Variants in TRPM5 observed in about 807,000 individuals in gnomAD.
TRPM5 encodes the protein transient receptor potential cation channel subfamily M member 5, also known as MLSN1 and TRP-related.
Under a neutral mutation model 124.9 loss-of-function variants are expected in TRPM5, and 121 were observed. The ratio of observed to expected loss-of-function variants is 0.97; its 90% CI spans 0.84 to 1.13. The LOEUF is 1.13. Ranked by LOEUF, TRPM5 falls within the 50% of genes most tolerant of loss-of-function variation. TRPM5 has a pLI of 0.00. For synonymous variants in TRPM5, 781 were observed against 700.5 expected (o/e 1.11, Z -1.81); for missense variants, 1,643 against 1,589.1 (o/e 1.03, Z -0.58).
chr11:2,426,540 C>T (rs1421453324), upstream of TRPM5, among the ~76,000 whole-genome samples: 2 of 152,078 alleles, frequency 1.3e-5, no homozygotes, highest in South Asian at 2.1e-4. Context: ...ACTGAGGCAG[C>T]CCCCCAGACG....
At chr11:2,419,540 T>TGGGA (rs1259684462) in intron 4 of TRPM5, among the ~76,000 whole-genome samples, 1 of 147,074 alleles carries the variant, frequency 6.8e-6, no homozygotes, top group Non-Finnish European at 1.5e-5. Context: ...TGTTGGAACC[T>TGGGA]GGGAGGTGGA....
chr11:2,418,540 G>T (rs764575824), exon 5 of TRPM5: 1 of 1,611,468 alleles, frequency 6.2e-7, no homozygotes, highest in Non-Finnish European at 8.5e-7. Flanking sequence ...CAAGGTGTTG[G>T]GATCACCATT....
chr11:2,414,883 G>C, intron 10 of TRPM5, 24 bp downstream of exon 15: 1 of 1,595,774 alleles, frequency 6.3e-7, no homozygotes, highest in South Asian at 1.1e-5. Flanking sequence ...CTGCCCCCGC[G>C]CTGGGCCCGC....
chr11:2,433,124 C>A, the TRPM5 span, among the ~76,000 whole-genome samples: 1 of 152,258 alleles, frequency 6.6e-6, no homozygotes, highest in Non-Finnish European at 1.5e-5. Context: ...TTTTGCCTGT[C>A]CTTCTACTCT....
chr11:2,440,362 G>T, the TRPM5 span, among the ~76,000 whole-genome samples: 1 of 152,188 alleles, frequency 6.6e-6, no homozygotes, highest in South Asian at 2.1e-4. This position sits in a 1 kb window ranked among gnomAD's most constrained non-coding sequence, Gnocchi z 5.2. Context: ...ATGCCTTACA[G>T]ATGTAGGGCA....
At chr11:2,422,366 T>C in intron 1 of TRPM5, 45 bp from the exon 7 acceptor site, 1 of 1,114,140 alleles carries the variant, frequency 9.0e-7, no homozygotes, top group Non-Finnish European at 1.1e-6. Context: ...GCACGGGGCA[T>C]GGGAGCTGCT....
the TRPM5 span, among the ~76,000 whole-genome samples, chr11:2,430,770 GTGATGGTGGTGT>G: frequency 1.5e-4 from 23 of 149,510 alleles, no homozygotes; most frequent in Admixed American, 8.6e-4. Flanking sequence ...TTTGGTGGTG[GTGATGGTGGTGT>G]TGATGGTGGT....
intron 22 of TRPM5, among the ~76,000 whole-genome samples, 164 bp downstream of exon 27, chr11:2,405,855 G>A (rs1050324241): frequency 2.0e-5 from 3 of 152,130 alleles, no homozygotes; most frequent in Non-Finnish European, 4.4e-5. Flanking sequence ...AGGTGGGGAC[G>A]GCCTGTCTTC....
At chr11:2,420,673 A>C (rs1845759248) in intron 3 of TRPM5, among the ~76,000 whole-genome samples, 1 of 152,000 alleles carries the variant, frequency 6.6e-6, no homozygotes, top group Admixed American at 6.5e-5. Context: ...TGCCGGGAGC[A>C]CCTCCTTCCC....
At chr11:2,431,462 TGG>T in the TRPM5 span, among the ~76,000 whole-genome samples, 1 of 152,244 alleles carries the variant, frequency 6.6e-6, no homozygotes, top group East Asian at 1.9e-4. Context: ...CCTATGGGGT[TGG>T]GAGGCACAGT....
intron 13 of TRPM5, 24 bp downstream of exon 18, chr11:2,413,452 G>A (rs375276944): frequency 2.1e-5 from 33 of 1,585,616 alleles, no homozygotes; most frequent in Admixed American, 5.4e-5. Flanking sequence ...TGTCCTGGCC[G>A]GGCAGCTCAC....
At chr11:2,436,839 C>T in the TRPM5 span, among the ~76,000 whole-genome samples, 1 of 152,254 alleles carries the variant, frequency 6.6e-6, no homozygotes, top group Non-Finnish European at 1.5e-5. Context: ...GAGACCAGCT[C>T]AGAGAGTCTG....
At position 2,421,119 on chromosome 11, in the gene TRPM5, G is replaced by A. The variant is rs776263923; in HGVS notation, c.378C>T (p.Ala126=). Residue 126 remains alanine, a synonymous_variant, in exon 3 of 24, where the codon GCC becomes GCT. Coordinates refer to ENST00000155858, the Ensembl canonical transcript of TRPM5. ...CCACACGGACCTTGGTGGACGTGCT[G>A]GCCAGCGAGTGGTCGCGCACGGCCT... 1.0e-5 allele frequency: 16 copies of A among 1,544,858 alleles called. 1 individual carries two copies. Among genetic ancestry groups the A allele is most frequent in the South Asian group, 8.3e-5 (7 of 84,048 alleles).
the TRPM5 span, among the ~76,000 whole-genome samples, chr11:2,429,493 G>T: frequency 1.3e-5 from 2 of 151,784 alleles, no homozygotes; most frequent in Non-Finnish European, 1.5e-5. This position sits in a 1 kb window ranked among gnomAD's most constrained non-coding sequence, Gnocchi z 8.4. Context: ...GATTGTACTG[G>T]TGGTGTTGGT....
intron 18 of TRPM5, 65 bp downstream of exon 23, chr11:2,411,287 C>A: frequency 6.8e-7 from 1 of 1,469,702 alleles, no homozygotes; most frequent in Non-Finnish European, 9.1e-7. Flanking sequence ...AGCCTCATGC[C>A]CAGGGCTTGT....
the TRPM5 span, among the ~76,000 whole-genome samples, chr11:2,428,604 T>TG: frequency 6.7e-6 from 1 of 150,230 alleles, no homozygotes; most frequent in Non-Finnish European, 1.5e-5. The surrounding 1 kb of genome is among the most constrained non-coding windows in gnomAD (Gnocchi z 4.0). Context: ...TGAGGGTAGT[T>TG]GGGGTGGTGA....
Position 2,411,425 on chromosome 11 carries a change from C to T in TRPM5, c.2709G>A (p.Glu903=), listed in dbSNP as rs779030448. The T allele has an allele frequency of 3.1e-6, 5 of 1,612,350 alleles. No homozygotes were observed. The South Asian group carries it at 5.5e-5, about 18-fold the overall frequency. The stretch of plus-strand genomic sequence containing the variant: ...GGTAGAGCACCCGGCGGAAGATCCA[C>T]TCCAGGCGGCCGTCATGGGGGTGCA... Residue 903 remains glutamate, a synonymous_variant, in exon 18 of 24, where the codon GAG becomes GAA. Transcript: ENST00000155858.
chr11:2,405,451 C>T, intron 23 of TRPM5, 76 bp downstream of exon 28: 2 of 1,445,230 alleles, frequency 1.4e-6, no homozygotes, highest in East Asian at 2.5e-5. Context: ...GCACACAGCA[C>T]AGCCTACGGC....
chr11:2,423,922 C>T (rs139225631), upstream of TRPM5, among the ~76,000 whole-genome samples: 331 of 152,366 alleles, frequency 2.2e-3, no homozygotes, highest in African/African-American at 7.3e-3. Context: ...TCCCACCTCC[C>T]TCCGATTGCT....
Sources: allele counts gnomAD v4.1 joint callset (sites outside exome capture counted in the v4.1 genomes callset), GRCh38; gene constraint gnomAD v4.1.1; non-coding constraint Gnocchi (gnomAD v3.1); transcripts MANE v1.5; gene names NCBI Gene and HGNC (gene_info 2026-07-23, HGNC 2026-07-21).